The following EPB41L1 variants were observed in gnomAD, a reference collection of about 807,000 sequenced individuals.
EPB41L1 encodes the protein erythrocyte membrane protein band 4.1 like 1.
EPB41L1 carries 29 observed loss-of-function variants against 97.8 expected under a neutral mutation model. The ratio of observed to expected loss-of-function variants is 0.30; its 90% CI spans 0.22 to 0.40. The LOEUF (loss-of-function observed/expected upper bound fraction) is 0.40. Ranked by LOEUF, EPB41L1 falls within the 10% of genes least tolerant of loss-of-function variation. The pLI, the probability that EPB41L1 is intolerant of heterozygous loss-of-function variation, is 1.00. For synonymous variants in EPB41L1, 383 were observed against 459.2 expected (o/e 0.83, Z 2.12); for missense variants, 812 against 1,162.3 (o/e 0.70, Z 4.38).
chr20:36,136,907 G>T (rs1458527169), intron 2 of EPB41L1, among the ~76,000 whole-genome samples: 1 of 151,874 alleles, frequency 6.6e-6, no homozygotes, highest in Non-Finnish European at 1.5e-5. Context: ...CTTTTCCACG[G>T]CAGAGTATTG....
At chr20:36,153,625 C>G (rs1600627572), upstream of EPB41L1, among the ~76,000 whole-genome samples, 1 of 152,212 alleles carries the variant, frequency 6.6e-6, no homozygotes, top group Non-Finnish European at 1.5e-5. Flanking sequence ...ACCATTCTCT[C>G]TATGCCTTCG....
In EPB41L1 at chr20:36,209,397, G is replaced by A. The variant is rs374974899; in HGVS notation, c.1669-91G>A. 2.1e-4 allele frequency: 271 copies of A among 1,292,960 alleles called. No individual in the cohort carries two copies. The African/African-American group carries it at 3.4e-3, about 16-fold the overall frequency. The allele number at this position is 1,292,960 out of a possible 1,614,324, so 80.1% of individuals were successfully genotyped here. ...CCATTCAGGATGTCGACACAGCCCCGAGATTTCTCCTGACATTCACCATCT... is the reference window on the plus strand; with the variant it reads ...CCATTCAGGATGTCGACACAGCCCCAAGATTTCTCCTGACATTCACCATCT... On this transcript the variant is annotated intron_variant, in intron 14 of 21. Transcript: ENST00000338074. This position sits in a 1 kb window ranked among gnomAD's most constrained non-coding sequence, Gnocchi z 4.2.
In EPB41L1 at chr20:36,190,566, T is replaced by C; in HGVS notation, c.1125-56T>C. 1 of 1,608,584 alleles carries C rather than the reference T, an allele frequency of 6.2e-7. No individual in the cohort carries two copies. On this transcript the variant is annotated intron_variant, in intron 10 of 21. Transcript: ENST00000338074. This position sits in a 1 kb window ranked among gnomAD's most constrained non-coding sequence, Gnocchi z 5.8. The stretch of plus-strand genomic sequence containing the variant: ...TGAAAGGCCAGCTGTGGTCTAACCT[T>C]GGGCCTGGCAGTGCAGGTCTGATTC...
At chr20:36,142,881 G>A (rs1569119303) in intron 2 of EPB41L1, among the ~76,000 whole-genome samples, 2 of 152,206 alleles carry the variant, frequency 1.3e-5, no homozygotes, top group South Asian at 2.1e-4. Context: ...TGTGATCAGC[G>A]TAGTCACCAA....
At chr20:36,122,447 G>A (rs946566699) in intron 2 of EPB41L1, among the ~76,000 whole-genome samples, 8 of 152,214 alleles carry the variant, frequency 5.3e-5, no homozygotes, top group Non-Finnish European at 7.3e-5. Flanking sequence ...GAGCCTTTCT[G>A]TGTCCTTCCT....
At chr20:36,171,363 G>A (rs1016938357) in intron 1 of EPB41L1, among the ~76,000 whole-genome samples, 1 of 152,070 alleles carries the variant, frequency 6.6e-6, no homozygotes, top group Non-Finnish European at 1.5e-5. Flanking sequence ...TCCTGTAAGT[G>A]ACAGAGAGCC....
At chr20:36,203,052 C>T (rs2062589729) in intron 14 of EPB41L1, among the ~76,000 whole-genome samples, 1 of 152,214 alleles carries the variant, frequency 6.6e-6, no homozygotes, top group Non-Finnish European at 1.5e-5. Flanking sequence ...GGTCCCCTGG[C>T]TCCAGAAAGA....
At chr20:36,203,140 G>A (rs1406487999) in intron 14 of EPB41L1, among the ~76,000 whole-genome samples, 1 of 152,184 alleles carries the variant, frequency 6.6e-6, no homozygotes, top group Non-Finnish European at 1.5e-5. Flanking sequence ...CGACTTTCAC[G>A]CCAACCCCTC....
chr20:36,146,015 T>C (rs764975368), intron 2 of EPB41L1, among the ~76,000 whole-genome samples: 1 of 152,208 alleles, frequency 6.6e-6, no homozygotes, highest in Non-Finnish European at 1.5e-5. Context: ...TGCCCTGCCT[T>C]TAATGCCCAA....
intron 1 of EPB41L1, among the ~76,000 whole-genome samples, chr20:36,104,693 G>A (rs562858941): frequency 6.6e-6 from 1 of 152,242 alleles, no homozygotes; most frequent in African/African-American, 2.4e-5. Context: ...GATGTCTGAA[G>A]TTAAAGCATG....
At chr20:36,156,947 C>T (rs1221129263) in intron 1 of EPB41L1, among the ~76,000 whole-genome samples, 4 of 152,256 alleles carry the variant, frequency 2.6e-5, no homozygotes, top group East Asian at 1.9e-4. Context: ...GGGACACAGG[C>T]GTGCGCCATT....
chr20:36,114,990 G>A (rs1309480649), intron 2 of EPB41L1, among the ~76,000 whole-genome samples: 1 of 152,106 alleles, frequency 6.6e-6, no homozygotes, highest in Non-Finnish European at 1.5e-5. Context: ...TAGGCCTGCA[G>A]GGGGCTGTAA....
intron 1 of EPB41L1, among the ~76,000 whole-genome samples, chr20:36,165,824 G>C (rs2060717395): frequency 6.6e-6 from 1 of 152,212 alleles, no homozygotes; most frequent in Non-Finnish European, 1.5e-5. Flanking sequence ...TTTCAATCTT[G>C]GGAAGTCTTT....
rs1260410284 is a variant in EPB41L1, at chr20:36,209,319, T to C, written c.1669-169T>C. On this transcript the variant is annotated intron_variant, in intron 14 of 21. Coordinates refer to ENST00000338074, the MANE Select transcript of EPB41L1 (RefSeq NM_012156.2). This position sits in a 1 kb window ranked among gnomAD's most constrained non-coding sequence, Gnocchi z 4.2. Reference sequence around the variant, plus strand: ...TCGTTTTTGTTTTTTTTATGCTTGTTATGATTTCAAGGAACCTTTCCTGGG... The same window carrying C: ...TCGTTTTTGTTTTTTTTATGCTTGTCATGATTTCAAGGAACCTTTCCTGGG... Among the ~76,000 whole-genome samples, 1 of 152,152 alleles carries C rather than the reference T, an allele frequency of 6.6e-6. No homozygotes were observed. The highest frequency in any genetic ancestry group is 1.9e-4 in the East Asian group (1 of 5,184).
chr20:36,169,539 A>G (rs1027783789), intron 1 of EPB41L1, among the ~76,000 whole-genome samples: 5 of 152,120 alleles, frequency 3.3e-5, no homozygotes, highest in Non-Finnish European at 5.9e-5. Context: ...CCAAGCTCCA[A>G]CCAGTTCCTC....
rs77566448 is a variant in EPB41L1, at chr20:36,105,215, G to A, written c.-64-7211G>A. On this transcript the variant is annotated intron_variant, in intron 1 of 19. Coordinates refer to the EPB41L1 transcript ENST00000202028. The stretch of plus-strand genomic sequence containing the variant: ...CCCTAGCGTCTGTGGGCCTGGCACT[G>A]TACAGCCCTGGACTGTAGTGGTATC... Among the ~76,000 whole-genome samples, 20 of 152,282 alleles carry A rather than the reference G, an allele frequency of 1.3e-4. 1 individual carries two copies. The East Asian group carries it at 3.7e-3, about 28-fold the overall frequency.
Position 36,212,398 on chromosome 20 carries a change from A to C in EPB41L1, c.2184+22A>C, listed in dbSNP as rs748219737. ...CCAGGTAACTTGTGCCTTCCAATGT[A>C]CCCTAAGCATGGGTATTGGGCATTT... On this transcript the variant is annotated intron_variant, in intron 16 of 21. Coordinates refer to ENST00000338074, the MANE Select transcript of EPB41L1 (RefSeq NM_012156.2). The surrounding 1 kb of genome is among the most constrained non-coding windows in gnomAD (Gnocchi z 4.8). 1 of 1,603,920 alleles carries C rather than the reference A, an allele frequency of 6.2e-7. No homozygotes were observed. The highest frequency in any genetic ancestry group is 1.1e-5 in the South Asian group (1 of 90,836).
chr20:36,194,618 C>T (rs946674415), intron 12 of EPB41L1, among the ~76,000 whole-genome samples: 2 of 152,184 alleles, frequency 1.3e-5, no homozygotes, highest in Non-Finnish European at 2.9e-5. Flanking sequence ...GGCACTCTGT[C>T]CCCTAGAGGA....
intron 5 of EPB41L1, among the ~76,000 whole-genome samples, chr20:36,180,251 A>G (rs907252561): frequency 1.3e-5 from 2 of 152,230 alleles, no homozygotes; most frequent in African/African-American, 2.4e-5. Context: ...CAGTGGAGCA[A>G]TTTTTTGCCC....
Sources: gnomAD v4.1 joint callset for allele counts (sites outside exome capture counted in the v4.1 genomes callset) on GRCh38, gnomAD v4.1.1 for gene constraint, Gnocchi (gnomAD v3.1) non-coding constraint, MANE v1.5 for transcripts, NCBI Gene and HGNC (gene_info 2026-07-23, HGNC 2026-07-21) for gene names.